Variants in GABBR2 observed in about 807,000 individuals in gnomAD.
The protein encoded by GABBR2 is gamma-aminobutyric acid type B receptor subunit 2.
Under a neutral mutation model 105.6 loss-of-function variants are expected in GABBR2, and 23 were observed. That is an observed-to-expected ratio of 0.22 (90% confidence interval 0.16 to 0.31). The LOEUF (loss-of-function observed/expected upper bound fraction) is 0.31, where lower values mean the gene tolerates loss of function less well. Ranked by LOEUF, GABBR2 falls within the 10% of genes least tolerant of loss-of-function variation. The pLI is 1.00. For missense variants in GABBR2, 734 were observed against 1,245.5 expected (o/e 0.59, Z 6.18); for synonymous variants, 478 against 499.7 (o/e 0.96, Z 0.58).
At chr9:98,693,837 C>A (rs1830715134) in intron 1 of GABBR2, among the ~76,000 whole-genome samples, 1 of 152,226 alleles carries the variant, frequency 6.6e-6, no homozygotes, top group South Asian at 2.1e-4. Flanking sequence ...ATTGTGGACA[C>A]AAGGTTGGAA....
chr9:98,461,793 C>T (rs1039250287), intron 6 of GABBR2, among the ~76,000 whole-genome samples: 1 of 152,120 alleles, frequency 6.6e-6, no homozygotes, highest in Non-Finnish European at 1.5e-5. Flanking sequence ...CTGGTAAGGG[C>T]CTCAGGAAGC....
chr9:98,415,697 A>G (rs1306675832), intron 7 of GABBR2, among the ~76,000 whole-genome samples: 1 of 152,176 alleles, frequency 6.6e-6, no homozygotes, highest in Non-Finnish European at 1.5e-5. Flanking sequence ...AACACCCTCA[A>G]TGGAATGAGG....
chr9:98,304,904 C>T (rs1329944379), intron 15 of GABBR2, among the ~76,000 whole-genome samples: 1 of 151,940 alleles, frequency 6.6e-6, no homozygotes, highest in Non-Finnish European at 1.5e-5. Context: ...CCTGAGTAGC[C>T]AGGACTACAG....
At chr9:98,417,088 C>T (rs1015767766) in intron 7 of GABBR2, among the ~76,000 whole-genome samples, 8 of 152,302 alleles carry the variant, frequency 5.3e-5, no homozygotes, top group East Asian at 1.9e-4. Flanking sequence ...GATGAAGCTT[C>T]CGAGGGCAGG....
chr9:98,530,430 G>A (rs1045470389), intron 3 of GABBR2, among the ~76,000 whole-genome samples: 3 of 152,138 alleles, frequency 2.0e-5, no homozygotes, highest in African/African-American at 4.8e-5. Context: ...CTGCCACTTC[G>A]TGGCTATGAG....
In GABBR2 at chr9:98,590,949, G is replaced by A. The variant is rs76849419; in HGVS notation, c.322-12877C>T. On this transcript the variant is annotated intron_variant, in intron 1 of 18. Coordinates refer to ENST00000259455, the MANE Select transcript of GABBR2 (RefSeq NM_005458.8). Reference sequence around the variant, plus strand: ...TTCATCCCATAAACGCACCCTGGGTGATGAAGAACCAGGTCTCATGGTAGA... The same window carrying A: ...TTCATCCCATAAACGCACCCTGGGTAATGAAGAACCAGGTCTCATGGTAGA... 5.6e-3 allele frequency among the ~76,000 whole-genome samples: 857 copies of A among 152,318 alleles called. 4 individuals are homozygous for A. Among genetic ancestry groups the A allele is most frequent in the Admixed American group, 0.01 (156 of 15,304 alleles).
intron 6 of GABBR2, among the ~76,000 whole-genome samples, chr9:98,465,643 T>C (rs575465547): frequency 2.0e-5 from 3 of 152,210 alleles, no homozygotes; most frequent in Non-Finnish European, 4.4e-5. Flanking sequence ...ATACCACATC[T>C]ATAATGGAAG....
At chr9:98,611,454 C>T (rs937568238) in intron 1 of GABBR2, among the ~76,000 whole-genome samples, 6 of 113,104 alleles carry the variant, frequency 5.3e-5, no homozygotes, top group African/African-American at 1.0e-4. Flanking sequence ...CAAGTGCACC[C>T]GAGGAATGAA....
At chr9:98,584,345 G>A (rs1829041043) in intron 1 of GABBR2, among the ~76,000 whole-genome samples, 1 of 152,124 alleles carries the variant, frequency 6.6e-6, no homozygotes, top group African/African-American at 2.4e-5. Context: ...AATAAATGCT[G>A]CCTTCCCTCC....
chr9:98,423,627 A>G (rs1832823763), intron 7 of GABBR2, among the ~76,000 whole-genome samples: 1 of 152,064 alleles, frequency 6.6e-6, no homozygotes, highest in South Asian at 2.1e-4. Context: ...CCATTTGTCA[A>G]TTTTGTCTTT....
chr9:98,439,152 T>C (rs1389514543), intron 7 of GABBR2, among the ~76,000 whole-genome samples: 2 of 152,226 alleles, frequency 1.3e-5, no homozygotes. Flanking sequence ...ATGCTGGTTA[T>C]ATTTTTACAG....
chr9:98,655,752 C>T (rs530300049), intron 1 of GABBR2, among the ~76,000 whole-genome samples: 9 of 152,228 alleles, frequency 5.9e-5, no homozygotes, highest in Non-Finnish European at 8.8e-5. Context: ...AACCAAACAC[C>T]GCACGTTCTC....
chr9:98,371,308 C>T (rs1291767482), intron 12 of GABBR2, among the ~76,000 whole-genome samples, 156 bp downstream of exon 12: 1 of 152,174 alleles, frequency 6.6e-6, no homozygotes, highest in Non-Finnish European at 1.5e-5. Flanking sequence ...TGTTAACTGT[C>T]CGATTTCCCC....
chr9:98,662,129 G>A (rs983861343), intron 1 of GABBR2, among the ~76,000 whole-genome samples: 1 of 152,148 alleles, frequency 6.6e-6, no homozygotes, highest in Admixed American at 6.5e-5. Context: ...GTTTCCCAGG[G>A]AATCCAACCT....
chr9:98,682,808 AC>A (rs1168231547), intron 1 of GABBR2, among the ~76,000 whole-genome samples: 1 of 152,276 alleles, frequency 6.6e-6, no homozygotes, highest in African/African-American at 2.4e-5. Context: ...ACATTTAAAT[AC>A]ATTCAACCTT....
intron 1 of GABBR2, among the ~76,000 whole-genome samples, chr9:98,605,546 C>G (rs549820334): frequency 1.3e-5 from 2 of 152,328 alleles, no homozygotes; most frequent in South Asian, 4.1e-4. Context: ...GGGCCCACTT[C>G]CTTTTCTTAA....
At chr9:98,299,115 G>A in intron 17 of GABBR2, 109 bp downstream of exon 17, 1 of 921,106 alleles carries the variant, frequency 1.1e-6, no homozygotes, top group Non-Finnish European at 1.8e-6. Context: ...CTTCATACCA[G>A]TCCTGTGCCC....
intron 11 of GABBR2, among the ~76,000 whole-genome samples, chr9:98,381,841 C>CGT (rs1831982587): frequency 6.6e-6 from 1 of 152,144 alleles, no homozygotes; most frequent in Non-Finnish European, 1.5e-5. Flanking sequence ...ACAACCTTCC[C>CGT]CTCACACAAA....
At chr9:98,473,094 G>C (rs1442900131) in intron 6 of GABBR2, 52 bp downstream of exon 6, 1 of 1,349,636 alleles carries the variant, frequency 7.4e-7, no homozygotes, top group South Asian at 1.2e-5. Flanking sequence ...CATCAGACAA[G>C]ATGATCAAAG....
Sources: gnomAD v4.1 joint callset for allele counts (sites outside exome capture counted in the v4.1 genomes callset) on GRCh38, gnomAD v4.1.1 for gene constraint, MANE v1.5 for transcripts, NCBI Gene and HGNC (gene_info 2026-07-23, HGNC 2026-07-21) for gene names.